NRXN3: variants seen among roughly 807,000 people sequenced by gnomAD.
NRXN3 encodes the protein neurexin 3.
In NRXN3, 32 loss-of-function variants were observed where a neutral mutation model predicts 137.6. The ratio of observed to expected loss-of-function variants is 0.23; its 90% CI spans 0.18 to 0.31. NRXN3 has a LOEUF of 0.31. Ranked by LOEUF, NRXN3 falls within the 10% of genes least tolerant of loss-of-function variation. The pLI is 1.00. For missense variants in NRXN3, 1,574 were observed against 2,062.5 expected, an observed-to-expected ratio of 0.76 and a Z score of 4.59; for synonymous variants, 798 against 784.5, an observed-to-expected ratio of 1.02 and a Z score of -0.29.
intron 15 of NRXN3, among the ~76,000 whole-genome samples, chr14:79,243,749 T>C (rs985804854): frequency 3.9e-5 from 6 of 152,134 alleles, no homozygotes; most frequent in African/African-American, 1.4e-4. Flanking sequence ...TGTGTCTGGA[T>C]ATATCTAAAC....
At chr14:78,538,874 T>G (rs894022152) in intron 4 of NRXN3, among the ~76,000 whole-genome samples, 1 of 152,230 alleles carries the variant, frequency 6.6e-6, no homozygotes, top group African/African-American at 2.4e-5. Flanking sequence ...GAGATAATCA[T>G]GTGGTTTTTA....
chr14:79,415,375 A>T (rs2153522288), intron 15 of NRXN3, among the ~76,000 whole-genome samples: 1 of 152,302 alleles, frequency 6.6e-6, no homozygotes, highest in South Asian at 2.1e-4. Flanking sequence ...TAAACGATAC[A>T]GTGTAACAAC....
At chr14:79,086,607 C>T (rs548104829) in intron 15 of NRXN3, among the ~76,000 whole-genome samples, 2 of 152,154 alleles carry the variant, frequency 1.3e-5, no homozygotes, top group African/African-American at 2.4e-5. Flanking sequence ...GCAGAGTCAT[C>T]ACAGATTCTT....
intron 10 of NRXN3, among the ~76,000 whole-genome samples, chr14:78,902,879 T>C (rs1200707292): frequency 6.6e-6 from 1 of 151,608 alleles, no homozygotes; most frequent in Non-Finnish European, 1.5e-5. Flanking sequence ...ACTATGTTGC[T>C]CATGGATCTG....
chr14:78,735,850 G>C (rs2098538801), intron 8 of NRXN3, among the ~76,000 whole-genome samples: 2 of 152,124 alleles, frequency 1.3e-5, no homozygotes, highest in Admixed American at 6.6e-5. Flanking sequence ...TTCTAGTCTT[G>C]TTATTTTACA....
chr14:79,829,461 T>C (rs1399062823), intron 20 of NRXN3, among the ~76,000 whole-genome samples: 1 of 152,228 alleles, frequency 6.6e-6, no homozygotes, highest in Non-Finnish European at 1.5e-5. Flanking sequence ...TTCTGCTGAT[T>C]GCATTGTGTA....
chr14:78,837,897 C>T (rs1281745058), intron 10 of NRXN3, among the ~76,000 whole-genome samples: 1 of 152,120 alleles, frequency 6.6e-6, no homozygotes, highest in Non-Finnish European at 1.5e-5. Context: ...AGCATATTTT[C>T]AAGTTGATCT....
intron 15 of NRXN3, among the ~76,000 whole-genome samples, chr14:79,269,815 G>A (rs2079033484): frequency 6.6e-6 from 1 of 152,066 alleles, no homozygotes; most frequent in Admixed American, 6.5e-5. Flanking sequence ...AAAATGTTTG[G>A]TATTTAAAAT....
intron 2 of NRXN3, chr14:78,250,078 T>C (rs745590250): frequency 1.9e-6 from 1 of 516,750 alleles, no homozygotes; most frequent in East Asian, 5.5e-5. Flanking sequence ...CATGCGATTA[T>C]GATTCTCATT....
intron 1 of NRXN3, among the ~76,000 whole-genome samples, chr14:78,212,293 C>A (rs1374146841): frequency 6.6e-6 from 1 of 152,032 alleles, no homozygotes; most frequent in Non-Finnish European, 1.5e-5. Context: ...GATGAAGGTG[C>A]CTTCCTCTAC....
At chr14:79,399,620 A>G (rs565271848) in intron 15 of NRXN3, among the ~76,000 whole-genome samples, 1 of 152,332 alleles carries the variant, frequency 6.6e-6, no homozygotes, top group South Asian at 2.1e-4. Flanking sequence ...CTCAAGAACT[A>G]TAATTATGCA....
chr14:79,696,268 A>T (rs554235036), intron 18 of NRXN3, among the ~76,000 whole-genome samples: 32 of 152,102 alleles, frequency 2.1e-4, no homozygotes, highest in Admixed American at 1.3e-3. Context: ...ATTGGAAATT[A>T]TAAAGCAAAA....
At chr14:78,644,064 C>T (rs535377848) in intron 4 of NRXN3, among the ~76,000 whole-genome samples, 57 of 150,940 alleles carry the variant, frequency 3.8e-4, no homozygotes, top group African/African-American at 1.3e-3. Flanking sequence ...TCGCTTGAAC[C>T]CGGGAGGCGG....
intron 15 of NRXN3, among the ~76,000 whole-genome samples, chr14:79,262,820 T>C (rs1244405357): frequency 1.3e-5 from 2 of 152,126 alleles, no homozygotes; most frequent in African/African-American, 4.8e-5. Flanking sequence ...AGAAAGTGGA[T>C]GGCTCCTGGG....
intron 16 of NRXN3, among the ~76,000 whole-genome samples, chr14:79,608,517 C>T (rs1193771653): frequency 1.3e-5 from 2 of 152,184 alleles, no homozygotes; most frequent in Non-Finnish European, 2.9e-5. Flanking sequence ...CCTGCTGCCC[C>T]TCAGTTTCAC....
At chr14:78,906,418 A>C (rs1377083425) in intron 10 of NRXN3, among the ~76,000 whole-genome samples, 2 of 152,032 alleles carry the variant, frequency 1.3e-5, no homozygotes, top group Admixed American at 1.3e-4. Context: ...CTCTGTGTCT[A>C]CACACCTTCC....
intron 15 of NRXN3, among the ~76,000 whole-genome samples, chr14:79,138,183 T>C (rs566413013): frequency 1.3e-5 from 2 of 152,282 alleles, no homozygotes; most frequent in South Asian, 4.1e-4. Context: ...AGTGACAGGG[T>C]TTTGCTCTGT....
chr14:78,398,283 A>C (rs2091710837), intron 4 of NRXN3, among the ~76,000 whole-genome samples: 1 of 149,960 alleles, frequency 6.7e-6, no homozygotes, highest in African/African-American at 2.4e-5. Context: ...GCATCTATTG[A>C]TTGTCTCTTT....
At chr14:78,531,725 A>T (rs964075087) in intron 4 of NRXN3, among the ~76,000 whole-genome samples, 1 of 152,152 alleles carries the variant, frequency 6.6e-6, no homozygotes, top group Non-Finnish European at 1.5e-5. Flanking sequence ...ATAGATAAAG[A>T]TGTAGCCAGT....
Sources: gnomAD v4.1 joint callset for allele counts (sites outside exome capture counted in the v4.1 genomes callset) on GRCh38, gnomAD v4.1.1 for gene constraint, MANE v1.5 for transcripts, NCBI Gene and HGNC (gene_info 2026-07-23, HGNC 2026-07-21) for gene names.